The following MYO6 variants were observed in gnomAD, a reference collection of about 807,000 sequenced individuals.
The protein encoded by MYO6 is unconventional myosin-VI.
Under a neutral mutation model 178.7 loss-of-function variants are expected in MYO6, and 74 were observed. The observed-to-expected ratio is 0.41, with a 90% CI of 0.34 to 0.50. MYO6 has a LOEUF of 0.50. Among genes scored for constraint, MYO6 ranks in the 20% least tolerant of loss-of-function variants. The pLI, the probability that MYO6 is intolerant of heterozygous loss-of-function variation, is 0.09. For missense variants in MYO6, 1,330 were observed against 1,547.4 expected (o/e 0.86, Z 2.36); for synonymous variants, 477 against 504.6 (o/e 0.95, Z 0.73).
Position 75,890,900 on chromosome 6 carries a change from A to G in MYO6, c.2868-328A>G, listed in dbSNP as rs563052412. On this transcript the variant is annotated intron_variant, in intron 26 of 34. Coordinates refer to ENST00000369977, the MANE Select transcript of MYO6 (RefSeq NM_004999.4). ...GATAACATTTTGAAAGATTGCCATG[A>G]TAGGGTAGAGAGAACAGATGAGTTG... Among the ~76,000 whole-genome samples the G allele has an allele frequency of 2.6e-5, 4 of 152,298 alleles. No individual in the cohort carries two copies. In the South Asian group the frequency reaches 6.2e-4, roughly 24 times the overall value.
chr6:75,808,146 A>G (rs143101255), intron 1 of MYO6, among the ~76,000 whole-genome samples: 5 of 152,378 alleles, frequency 3.3e-5, no homozygotes, highest in Non-Finnish European at 5.9e-5. Flanking sequence ...GGGTGGTATT[A>G]GTCTGCTAGA....
chr6:75,886,242 T>G, intron 24 of MYO6, 148 bp downstream of exon 24: 2 of 629,632 alleles, frequency 3.2e-6, no homozygotes, highest in Non-Finnish European at 2.8e-6. Flanking sequence ...ATTTGTAATA[T>G]TTATTTGAAG....
intron 5 of MYO6, among the ~76,000 whole-genome samples, chr6:75,832,600 A>C (rs1773212303): frequency 6.6e-6 from 1 of 152,198 alleles, no homozygotes; most frequent in Admixed American, 6.5e-5. Flanking sequence ...TTCTGTCAGA[A>C]ACTTAAGAGT....
intron 10 of MYO6, among the ~76,000 whole-genome samples, chr6:75,847,967 C>T (rs1378671165): frequency 6.6e-6 from 1 of 151,988 alleles, no homozygotes; most frequent in Non-Finnish European, 1.5e-5. Context: ...ATCATTACCT[C>T]ATTTAAAAAA....
At chr6:75,760,363 A>G (rs1203772864) in intron 1 of MYO6, among the ~76,000 whole-genome samples, 1 of 152,198 alleles carries the variant, frequency 6.6e-6, no homozygotes, top group African/African-American at 2.4e-5. Context: ...GAAGGATTCT[A>G]GGGATATAAG....
intron 1 of MYO6, among the ~76,000 whole-genome samples, chr6:75,787,706 C>A (rs1583073639): frequency 1.4e-5 from 1 of 70,186 alleles, no homozygotes; most frequent in African/African-American, 5.0e-5. Context: ...CTCTCTCTCT[C>A]TCTCTCTCTC....
rs750033794 is a variant in MYO6 at position 75,908,536 on chromosome 6, G to A, written c.3321G>A (p.Arg1107=). 7.6e-5 allele frequency: 123 copies of A among 1,613,368 alleles called. No individual in the cohort carries two copies. The highest frequency in any genetic ancestry group is 9.7e-5 in the Non-Finnish European group (114 of 1,179,678). ...CAGCTTGCAGAGAAGAATTTCATAG[G>A]AGACTAAAAGTGTATCATGCTTGGA... The part of the protein sequence containing the change: ...LLAACREEFH[R]RLKVYHAWKS... Residue 1107 remains arginine, a synonymous_variant, in exon 32 of 35, where the codon AGG becomes AGA. Transcript: ENST00000369977.
At position 75,817,763 on chromosome 6, in the gene MYO6, G is replaced by T. The variant is rs1433727460; in HGVS notation, c.117+99G>T. 4 of 1,051,762 alleles carry T rather than the reference G, an allele frequency of 3.8e-6. No homozygotes were observed. In the Admixed American group the frequency reaches 7.2e-5, roughly 19 times the overall value. The allele number at this position is 1,051,762 out of a possible 1,614,324, so 65.2% of individuals were successfully genotyped here. On this transcript the variant is annotated intron_variant, in intron 2 of 34. Transcript: ENST00000369977. ...TGTCTTCTTAATGAGGTAGATATTT[G>T]GGAAAGCATATTTCTGGTAAGTGAG...
At chr6:75,878,316 T>G (rs1349983186) in intron 20 of MYO6, among the ~76,000 whole-genome samples, 1 of 152,004 alleles carries the variant, frequency 6.6e-6, no homozygotes, top group Non-Finnish European at 1.5e-5. Flanking sequence ...TTTTTTCTGG[T>G]TTTTTTTCTA....
At chr6:75,832,301 C>A (rs895834940) in intron 5 of MYO6, among the ~76,000 whole-genome samples, 1 of 152,034 alleles carries the variant, frequency 6.6e-6, no homozygotes, top group Non-Finnish European at 1.5e-5. Context: ...GAGGAAAAAA[C>A]CCCACAGATA....
rs1583300175 is a variant in MYO6 at position 75,862,728 on chromosome 6, GT to G, written c.1674+9del. The G allele has an allele frequency of 1.9e-6, 3 of 1,613,752 alleles. No homozygotes were observed. Among genetic ancestry groups the G allele is most frequent in the African/African-American group, 1.3e-5 (1 of 74,890 alleles). The stretch of plus-strand genomic sequence containing the variant: ...AAGGATCATTTTCGACTCACTGTGA[GT>G]TTTGCCATTCTGAAATTGAGACTAT... On this transcript the variant is annotated splice_donor_region_variant and intron_variant, in intron 16 of 34. Transcript: ENST00000369977.
chr6:75,849,986 G>A (rs1417423034), intron 11 of MYO6, among the ~76,000 whole-genome samples: 2 of 152,110 alleles, frequency 1.3e-5, no homozygotes, highest in Non-Finnish European at 2.9e-5. Context: ...AGTTTCAGGG[G>A]AGGGGGAAGG....
chr6:75,795,740 G>A (rs986167343), intron 1 of MYO6, among the ~76,000 whole-genome samples: 2 of 152,104 alleles, frequency 1.3e-5, no homozygotes, highest in Non-Finnish European at 2.9e-5. Context: ...TCCATGTTTT[G>A]AGAATCTGTT....
intron 1 of MYO6, among the ~76,000 whole-genome samples, chr6:75,804,546 G>A (rs112450590): frequency 2.1e-3 from 325 of 151,826 alleles, no homozygotes; most frequent in African/African-American, 7.5e-3. Flanking sequence ...TGAGGGCAGG[G>A]ATTTTGCCAA....
Position 75,914,976 on chromosome 6 carries a change from C to T in MYO6, c.3822C>T (p.Thr1274=), listed in dbSNP as rs780331362. Reference sequence around the variant, plus strand: ...TTGAGAGCAGACAGGCTCGGCCCACCTATGCAACAGCCATGCTGCAGAGTC... The same window carrying T: ...TTGAGAGCAGACAGGCTCGGCCCACTTATGCAACAGCCATGCTGCAGAGTC... ...NAIESRQARP[T]YATAMLQSLL... The change falls in exon 35 of 35, where the codon ACC becomes ACT. Residue 1274 remains threonine, a synonymous_variant. Coordinates refer to ENST00000369977, the MANE Select transcript of MYO6 (RefSeq NM_004999.4). 5.6e-6 allele frequency: 9 copies of T among 1,613,564 alleles called. No individual in the cohort carries two copies. Among genetic ancestry groups the T allele is most frequent in the Non-Finnish European group, 7.6e-6 (9 of 1,179,972 alleles).
intron 25 of MYO6, among the ~76,000 whole-genome samples, chr6:75,889,600 A>T (rs1202819345): frequency 2.0e-5 from 3 of 152,154 alleles, no homozygotes; most frequent in Non-Finnish European, 4.4e-5. Flanking sequence ...TTTATAAGAG[A>T]CAGGGTTTCA....
At chr6:75,874,165 T>G (rs1224190391) in intron 20 of MYO6, among the ~76,000 whole-genome samples, 2 of 152,204 alleles carry the variant, frequency 1.3e-5, no homozygotes, top group Non-Finnish European at 1.5e-5. Context: ...CTGCATGTAA[T>G]TTTCTGCTTC....
intron 16 of MYO6, among the ~76,000 whole-genome samples, chr6:75,864,499 G>T (rs922713542): frequency 6.6e-6 from 1 of 152,172 alleles, no homozygotes; most frequent in Non-Finnish European, 1.5e-5. Flanking sequence ...TGCTAAAATT[G>T]AAGATATATA....
At chr6:75,832,996 TC>T (rs762708214) in intron 6 of MYO6, 49 bp downstream of exon 6, 25 of 1,329,734 alleles carry the variant, frequency 1.9e-5, no homozygotes, top group East Asian at 4.6e-5. Context: ...ATCTTTTTTT[TC>T]CCCCCTTGAG....
Sources: allele counts gnomAD v4.1 joint callset (sites outside exome capture counted in the v4.1 genomes callset), GRCh38; gene constraint gnomAD v4.1.1; transcripts MANE v1.5; gene names NCBI Gene and HGNC (gene_info 2026-07-23, HGNC 2026-07-21).